Variants in DPP10 observed in about 807,000 individuals in gnomAD.
The protein encoded by DPP10 is inactive dipeptidyl peptidase 10.
DPP10 carries 33 observed loss-of-function variants against 120.9 expected under a neutral mutation model. The ratio of observed to expected loss-of-function variants is 0.27; its 90% CI spans 0.21 to 0.37. The LOEUF (loss-of-function observed/expected upper bound fraction) is 0.37. DPP10 is among the 10% of genes least tolerant of loss of function. The pLI is 1.00. For missense variants in DPP10, 816 were observed against 942.8 expected (o/e 0.87, Z 1.76); for synonymous variants, 337 against 326.1 (o/e 1.03, Z -0.36).
At chr2:115,083,093 T>G (rs1238550842) in intron 1 of DPP10, among the ~76,000 whole-genome samples, 1 of 152,222 alleles carries the variant, frequency 6.6e-6, no homozygotes, top group Non-Finnish European at 1.5e-5. Flanking sequence ...TTTGTGCTTC[T>G]GCTGGAATTT....
intron 2 of DPP10, among the ~76,000 whole-genome samples, chr2:115,329,079 C>T (rs899034736): frequency 1.3e-5 from 2 of 151,934 alleles, no homozygotes; most frequent in African/African-American, 4.8e-5. Context: ...TTTATGTACT[C>T]AGTATGAATA....
chr2:115,089,996 T>C (rs541230450), intron 1 of DPP10, among the ~76,000 whole-genome samples: 1 of 152,196 alleles, frequency 6.6e-6, no homozygotes, highest in Non-Finnish European at 1.5e-5. Flanking sequence ...CAGTATCTAG[T>C]ACATCACAGG....
chr2:114,852,536 A>G (rs1454402312), intron 1 of DPP10, among the ~76,000 whole-genome samples: 1 of 152,162 alleles, frequency 6.6e-6, no homozygotes, highest in Non-Finnish European at 1.5e-5. Context: ...GAGACGATTT[A>G]AAGTACACAA....
chr2:115,156,465 C>T (rs903429138), intron 1 of DPP10, among the ~76,000 whole-genome samples: 2 of 152,136 alleles, frequency 1.3e-5, no homozygotes, highest in Non-Finnish European at 2.9e-5. Flanking sequence ...ACAAATTGAA[C>T]ATTGTGGAAG....
intron 1 of DPP10, among the ~76,000 whole-genome samples, chr2:115,269,703 A>G (rs888274512): frequency 6.6e-6 from 1 of 152,156 alleles, no homozygotes; most frequent in African/African-American, 2.4e-5. Flanking sequence ...TTTATAATCT[A>G]AATTGGAAGG....
intron 3 of DPP10, among the ~76,000 whole-genome samples, chr2:115,391,389 AAC>A (rs1305252233): frequency 6.6e-6 from 1 of 152,150 alleles, no homozygotes; most frequent in Non-Finnish European, 1.5e-5. Context: ...TGGTAGCTAA[AAC>A]AGTGCACATT....
rs192527301 is a variant in DPP10 at position 115,452,649 on chromosome 2, A to G, written c.272-46861A>G. Among the ~76,000 whole-genome samples the G allele has an allele frequency of 7.4e-3, 1,122 of 152,048 alleles. 6 individuals carry two copies. The highest frequency in any genetic ancestry group is 0.025 in the African/African-American group (1,026 of 41,510). On this transcript the variant is annotated intron_variant, in intron 3 of 25. Transcript: ENST00000410059. ...TTTTCCATAGATCTTCATCATTTCCATAGACATTTGTCTTCCTTCTTTTTT... is the reference window on the plus strand; with the variant it reads ...TTTTCCATAGATCTTCATCATTTCCGTAGACATTTGTCTTCCTTCTTTTTT...
At chr2:114,940,409 CAG>C (rs780184271) in intron 1 of DPP10, among the ~76,000 whole-genome samples, 1 of 151,902 alleles carries the variant, frequency 6.6e-6, no homozygotes, top group Admixed American at 6.6e-5. Context: ...CTCTAGGGAT[CAG>C]AGAGAGAGAA....
chr2:115,058,591 G>T (rs951535319), intron 1 of DPP10, among the ~76,000 whole-genome samples: 1 of 152,014 alleles, frequency 6.6e-6, no homozygotes, highest in African/African-American at 2.4e-5. Context: ...GTACAGACGG[G>T]GTTTCGCCAT....
intron 1 of DPP10, among the ~76,000 whole-genome samples, chr2:114,649,850 C>T (rs997799396): frequency 2.0e-5 from 3 of 151,792 alleles, no homozygotes; most frequent in African/African-American, 4.8e-5. Flanking sequence ...AAAATGATAT[C>T]CTTATAAATT....
At chr2:115,677,143 T>G (rs1337400518) in intron 5 of DPP10, among the ~76,000 whole-genome samples, 1 of 152,086 alleles carries the variant, frequency 6.6e-6, no homozygotes, top group Non-Finnish European at 1.5e-5. Context: ...CAAGCAAAAA[T>G]TGAGGGAATT....
rs577205714 is a variant in DPP10, at chr2:114,945,252, G to A, written c.61-363987G>A. On this transcript the variant is annotated intron_variant, in intron 1 of 25. Coordinates refer to ENST00000410059, the MANE Select transcript of DPP10 (RefSeq NM_020868.6). Reference sequence around the variant, plus strand: ...ATTGATACGTTGCATTTTATTAAAAGTAAAAGCTTCTGCTCTCTGGAAGAT... The same window carrying A: ...ATTGATACGTTGCATTTTATTAAAAATAAAAGCTTCTGCTCTCTGGAAGAT... Among the ~76,000 whole-genome samples the A allele has an allele frequency of 3.0e-4, 46 of 152,260 alleles. 1 individual carries two copies. The South Asian group carries it at 9.3e-3, about 31-fold the overall frequency.
chr2:115,333,461 T>G (rs1419789106), intron 2 of DPP10, among the ~76,000 whole-genome samples: 1 of 152,182 alleles, frequency 6.6e-6, no homozygotes, highest in Non-Finnish European at 1.5e-5. Flanking sequence ...TTTGATCCTG[T>G]CAGTATGATG....
intron 1 of DPP10, among the ~76,000 whole-genome samples, chr2:115,240,839 A>G (rs967519333): frequency 2.6e-5 from 4 of 152,228 alleles, no homozygotes; most frequent in Non-Finnish European, 4.4e-5. Flanking sequence ...AAATATTTAC[A>G]GTTCAGGCTT....
At chr2:115,387,586 T>A (rs1413794978) in intron 3 of DPP10, among the ~76,000 whole-genome samples, 1 of 152,192 alleles carries the variant, frequency 6.6e-6, no homozygotes, top group Non-Finnish European at 1.5e-5. Flanking sequence ...AAAGTAAAGA[T>A]CCCAGTCACA....
intron 1 of DPP10, among the ~76,000 whole-genome samples, chr2:115,289,812 C>G (rs1391514321): frequency 3.3e-5 from 5 of 152,078 alleles, no homozygotes; most frequent in Non-Finnish European, 5.9e-5. Context: ...AAGAACAAAA[C>G]TAGATCCCTA....
chr2:114,768,955 G>T (rs979325172), intron 1 of DPP10, among the ~76,000 whole-genome samples: 3 of 152,084 alleles, frequency 2.0e-5, no homozygotes, highest in Non-Finnish European at 2.9e-5. Context: ...GCATTATAAG[G>T]CACTTTAGAA....
chr2:115,824,314 A>T lies in DPP10; in HGVS notation c.1950+8585A>T, dbSNP rs563297694. Among the ~76,000 whole-genome samples the T allele has an allele frequency of 1.1e-3, 162 of 152,170 alleles. 1 individual carries two copies. Among genetic ancestry groups the T allele is most frequent in the African/African-American group, 3.5e-3 (147 of 41,526 alleles). The stretch of plus-strand genomic sequence containing the variant: ...TTCTTTTTTTATTTTTAATTTTTTT[A>T]AAATTTTACGTTAAGTACCACGGTA... On this transcript the variant is annotated intron_variant, in intron 21 of 25. Coordinates refer to ENST00000410059, the MANE Select transcript of DPP10 (RefSeq NM_020868.6).
At chr2:115,178,136 G>A (rs2053831442) in intron 1 of DPP10, among the ~76,000 whole-genome samples, 1 of 151,954 alleles carries the variant, frequency 6.6e-6, no homozygotes, top group South Asian at 2.1e-4. Context: ...TAGATATTAT[G>A]TGCCTCATAA....
Sources: gnomAD v4.1 joint callset for allele counts (sites outside exome capture counted in the v4.1 genomes callset) on GRCh38, gnomAD v4.1.1 for gene constraint, MANE v1.5 for transcripts, NCBI Gene and HGNC (gene_info 2026-07-23, HGNC 2026-07-21) for gene names.